Variants in TTC7B observed in about 807,000 individuals in gnomAD.
The protein encoded by TTC7B is tetratricopeptide repeat protein 7B.
A neutral mutation model predicts 106.8 loss-of-function variants in TTC7B; 28 were observed. That is an observed-to-expected ratio of 0.26 (90% CI 0.19 to 0.36). TTC7B has a LOEUF of 0.36. Among genes scored for constraint, TTC7B ranks in the 10% least tolerant of loss-of-function variants. The pLI is 1.00. For synonymous variants in TTC7B, 405 were observed against 430.6 expected, an observed-to-expected ratio of 0.94 and a Z score of 0.74; for missense variants, 862 against 1,076.4, an observed-to-expected ratio of 0.80 and a Z score of 2.79.
intron 15 of TTC7B, among the ~76,000 whole-genome samples, chr14:90,631,364 T>A (rs1884694745): frequency 6.6e-6 from 1 of 151,958 alleles, no homozygotes; most frequent in African/African-American, 2.4e-5. Context: ...CTATTTTTAA[T>A]GTTTTGAGGA....
chr14:90,774,348 T>A (rs1318470849), intron 3 of TTC7B, among the ~76,000 whole-genome samples: 1 of 152,226 alleles, frequency 6.6e-6, no homozygotes, highest in African/African-American at 2.4e-5. Context: ...TTCTTTCACC[T>A]ACAGCTGAAA....
At chr14:90,756,384 G>GTTTTTTTTTTTTTTTT (rs369068692) in intron 3 of TTC7B, among the ~76,000 whole-genome samples, 1 of 126,778 alleles carries the variant, frequency 7.9e-6, no homozygotes, top group African/African-American at 3.8e-5. Flanking sequence ...TTTTTTTTTT[G>GTTTTTTTTTTTTTTTT]TTTTTTTTTT....
rs201435454 is a variant in TTC7B, at chr14:90,780,886, G to C, written c.297C>G (p.Ser99=). ...GNLKSEFLQE[S]NLIMAKLNYV... ...AATTCAACTTGGCCATGATCAGATT[G>C]GATTCTTGTAGGAATTCTGACTAGA... Residue 99 remains serine (S), a synonymous_variant, in exon 3 of 20, where the codon TCC becomes TCG. Transcript: ENST00000328459. The C allele has an allele frequency of 1.2e-6, 2 of 1,614,168 alleles. No homozygotes were observed. Among genetic ancestry groups the C allele is most frequent in the East Asian group, 4.5e-5 (2 of 44,882 alleles).
intron 4 of TTC7B, among the ~76,000 whole-genome samples, chr14:90,732,670 G>A (rs139672553): frequency 7.4e-4 from 112 of 152,096 alleles, no homozygotes; most frequent in Non-Finnish European, 1.4e-3. Context: ...GAGCCACTGC[G>A]CCTGGCTCCT....
intron 8 of TTC7B, among the ~76,000 whole-genome samples, chr14:90,680,097 A>G (rs1441423803): frequency 6.6e-6 from 1 of 152,218 alleles, no homozygotes; most frequent in East Asian, 1.9e-4. Context: ...AGAGGCTTAT[A>G]AAGGTCACCC....
intron 3 of TTC7B, among the ~76,000 whole-genome samples, chr14:90,773,565 G>A (rs1355899963): frequency 1.3e-5 from 2 of 152,160 alleles, no homozygotes; most frequent in African/African-American, 2.4e-5. Flanking sequence ...AAATCACCAC[G>A]CACCATGCCA....
intron 3 of TTC7B, among the ~76,000 whole-genome samples, chr14:90,771,350 C>T (rs2140026592): frequency 6.6e-6 from 1 of 152,304 alleles, no homozygotes; most frequent in Admixed American, 6.5e-5. Context: ...AATCCCAGCA[C>T]TTTGAGAGGT....
chr14:90,641,758 A>C (rs1189703144), intron 15 of TTC7B, among the ~76,000 whole-genome samples: 1 of 152,180 alleles, frequency 6.6e-6, no homozygotes, highest in Non-Finnish European at 1.5e-5. Flanking sequence ...CTACTTGAAA[A>C]GGCTGTCAGC....
In TTC7B at chr14:90,652,768, T is replaced by A. The variant is rs542279163; in HGVS notation, c.1517+73A>T. On this transcript the variant is annotated intron_variant, in intron 13 of 19. Transcript: ENST00000328459. The stretch of plus-strand genomic sequence containing the variant: ...ACTGTTTACATAATCTTTATAAATA[T>A]CTCTTCTTTTTATACTCATCATACT... 28 of 1,526,062 alleles carry A rather than the reference T, an allele frequency of 1.8e-5. No individual in the cohort carries two copies. In the East Asian group the frequency reaches 3.8e-4, roughly 21 times the overall value. The allele number at this position is 1,526,062 out of a possible 1,614,324, so 94.5% of individuals were successfully genotyped here. A position where few individuals can be genotyped will look rare whatever the true frequency, so the allele number is the denominator to read the frequency against.
At chr14:90,691,561 C>T (rs1887477260) in intron 6 of TTC7B, among the ~76,000 whole-genome samples, 1 of 152,090 alleles carries the variant, frequency 6.6e-6, no homozygotes, top group African/African-American at 2.4e-5. Context: ...TAAATGCATC[C>T]AATTGTTGGT....
chr14:90,749,462 A>G (rs1890071354), intron 3 of TTC7B, among the ~76,000 whole-genome samples: 1 of 145,928 alleles, frequency 6.9e-6, no homozygotes, highest in Non-Finnish European at 1.5e-5. Context: ...CTGAAGTGCA[A>G]TGGCGCAATC....
intron 17 of TTC7B, among the ~76,000 whole-genome samples, chr14:90,599,582 G>C (rs1235926777): frequency 6.6e-6 from 1 of 152,216 alleles, no homozygotes; most frequent in African/African-American, 2.4e-5. Context: ...TGTGAACATG[G>C]GGGAACGATG....
Position 90,644,208 on chromosome 14 carries a change from T to A in TTC7B, c.1591A>T (p.Ile531Phe). 6.3e-7 allele frequency: 1 copy of A among 1,584,046 alleles called. No homozygotes were observed. Among genetic ancestry groups the A allele is most frequent in the Non-Finnish European group, 8.6e-7 (1 of 1,168,842 alleles). ...LALQLAISRQ[I>F]PEALGYVRQA... ...CGGACATACCCCAGAGCCTCTGGGATCTGGTTTAAAACAAAACCAAAAAAG... is the reference window on the plus strand; with the variant it reads ...CGGACATACCCCAGAGCCTCTGGGAACTGGTTTAAAACAAAACCAAAAAAG... The change falls in exon 15 of 20, where the codon ATC becomes TTC. Residue 531 changes from isoleucine (I) to phenylalanine (F), a missense_variant and splice_region_variant. Coordinates refer to ENST00000328459, the MANE Select transcript of TTC7B (RefSeq NM_001010854.2).
intron 3 of TTC7B, chr14:90,766,415 C>CTA (rs1270705819): frequency 1.9e-6 from 1 of 533,252 alleles, no homozygotes; most frequent in Non-Finnish European, 3.4e-6. Context: ...TGGTGAAAGT[C>CTA]AAGAAAATGA....
chr14:90,697,049 C>T (rs1887781298), intron 5 of TTC7B, among the ~76,000 whole-genome samples: 1 of 152,138 alleles, frequency 6.6e-6, no homozygotes, highest in African/African-American at 2.4e-5. Context: ...TAACTTTGTT[C>T]CAGAATCACG....
At chr14:90,648,112 C>T (rs1468797829) in intron 13 of TTC7B, among the ~76,000 whole-genome samples, 1 of 152,096 alleles carries the variant, frequency 6.6e-6, no homozygotes, top group Non-Finnish European at 1.5e-5. Context: ...AGAAAATATG[C>T]TAAATTCACT....
chr14:90,737,527 T>A (rs983438708), intron 4 of TTC7B, among the ~76,000 whole-genome samples: 4 of 149,462 alleles, frequency 2.7e-5, no homozygotes, highest in African/African-American at 7.4e-5. Context: ...CCATAAAAGA[T>A]CATATATTGT....
chr14:90,796,191 C>T (rs529490738), intron 1 of TTC7B, among the ~76,000 whole-genome samples: 2 of 152,312 alleles, frequency 1.3e-5, no homozygotes, highest in East Asian at 1.9e-4. Flanking sequence ...GTTTTGAAGT[C>T]CCTCTCCTTC....
At chr14:90,711,874 G>T (rs1050438738) in intron 5 of TTC7B, among the ~76,000 whole-genome samples, 1 of 151,932 alleles carries the variant, frequency 6.6e-6, no homozygotes, top group African/African-American at 2.4e-5. Flanking sequence ...GAAACAAAGG[G>T]CAAAAATAGT....
Sources: gnomAD v4.1 joint callset for allele counts (sites outside exome capture counted in the v4.1 genomes callset) on GRCh38, gnomAD v4.1.1 for gene constraint, MANE v1.5 for transcripts, NCBI Gene and HGNC (gene_info 2026-07-23, HGNC 2026-07-21) for gene names.